The following TTC9 variants were observed in gnomAD, a reference collection of about 807,000 sequenced individuals.
TTC9 encodes the protein tetratricopeptide repeat protein 9A.
TTC9 carries 13 observed loss-of-function variants against 22.9 expected under a neutral mutation model. That is an observed-to-expected ratio of 0.57 (90% CI 0.37 to 0.90). The LOEUF (loss-of-function observed/expected upper bound fraction) is 0.90, where lower values mean the gene tolerates loss of function less well. Among genes scored for constraint, TTC9 ranks in the 40% least tolerant of loss-of-function variants. The pLI is 0.01. For missense variants in TTC9, 280 were observed against 291.8 expected (o/e 0.96, Z 0.29); for synonymous variants, 148 against 133.2 (o/e 1.11, Z -0.77).
intron 1 of TTC9, among the ~76,000 whole-genome samples, chr14:70,655,935 ACT>A (rs1162558404): frequency 6.6e-6 from 1 of 150,768 alleles, no homozygotes; most frequent in Non-Finnish European, 1.5e-5. Context: ...TGCTGCTTGG[ACT>A]CTTTCTCCCC....
In TTC9 at chr14:70,642,004, C is replaced by T; in HGVS notation, c.-126C>T. The stretch of plus-strand genomic sequence containing the variant: ...GGGGCGCCAGACCGCCGCGGGGTGT[C>T]ACGGCCGCCACGAAGCCTGCGAGGC... On this transcript the variant is annotated 5_prime_UTR_variant, in exon 1 of 3. Transcript: ENST00000256367. The T allele has an allele frequency of 1.7e-6, 1 of 595,394 alleles. No individual in the cohort carries two copies. Among genetic ancestry groups the T allele is most frequent in the Non-Finnish European group, 2.1e-6 (1 of 470,330 alleles). The allele number at this position is 595,394 out of a possible 1,614,324, so 36.9% of individuals were successfully genotyped here. A position where few individuals can be genotyped will look rare whatever the true frequency, so the allele number is the denominator to read the frequency against.
intron 1 of TTC9, among the ~76,000 whole-genome samples, chr14:70,664,823 G>T (rs1886191906): frequency 6.6e-6 from 1 of 151,154 alleles, no homozygotes; most frequent in Non-Finnish European, 1.5e-5. Flanking sequence ...TCTGGGCCCT[G>T]TCTGTGGTGT....
chr14:70,651,725 G>T (rs1236932395), intron 1 of TTC9, among the ~76,000 whole-genome samples: 2 of 152,172 alleles, frequency 1.3e-5, no homozygotes, highest in Non-Finnish European at 2.9e-5. Context: ...CAGCACTTGT[G>T]ATGTAAACTG....
chr14:70,648,904 T>G (rs1361306899), intron 1 of TTC9, among the ~76,000 whole-genome samples: 1 of 152,248 alleles, frequency 6.6e-6, no homozygotes, highest in African/African-American at 2.4e-5. Flanking sequence ...GGTATTTATA[T>G]GGCCTTGGAA....
chr14:70,656,677 T>G (rs1468453142), intron 1 of TTC9, among the ~76,000 whole-genome samples: 1 of 152,202 alleles, frequency 6.6e-6, no homozygotes, highest in Non-Finnish European at 1.5e-5. Flanking sequence ...CCATTCTGGC[T>G]TAGAGTTTCT....
intron 1 of TTC9, among the ~76,000 whole-genome samples, chr14:70,656,995 A>G (rs1886076213): frequency 1.3e-5 from 2 of 152,184 alleles, no homozygotes; most frequent in South Asian, 4.1e-4. Flanking sequence ...TAGCACCCAG[A>G]TTGGTGCCAA....
At chr14:70,662,665 G>A (rs1886160972) in intron 1 of TTC9, among the ~76,000 whole-genome samples, 1 of 152,214 alleles carries the variant, frequency 6.6e-6, no homozygotes, top group Non-Finnish European at 1.5e-5. Context: ...GTGAAATTTA[G>A]ATCTCTCATT....
chr14:70,671,194 G>A lies in TTC9; in HGVS notation c.*39G>A, dbSNP rs1309358358. On this transcript the variant is annotated 3_prime_UTR_variant, in exon 3 of 3. Transcript: ENST00000256367. ...CCAGAGCTGCGCCCACGCCTGACCG[G>A]GGACTTCCAGGCATCCCCTGGCAGA... 1 of 1,561,778 alleles carries A rather than the reference G, an allele frequency of 6.4e-7. No individual in the cohort carries two copies. The highest frequency in any genetic ancestry group is 1.7e-5 in the Admixed American group (1 of 59,348).
At chr14:70,668,984 G>A (rs983152280) in intron 2 of TTC9, among the ~76,000 whole-genome samples, 18 of 151,506 alleles carry the variant, frequency 1.2e-4, no homozygotes, top group Non-Finnish European at 2.4e-4. Flanking sequence ...GTGAAACCCC[G>A]TCTCTACTAA....
Position 70,642,285 on chromosome 14 carries a change from G to C in TTC9, c.156G>C (p.Glu52Asp), listed in dbSNP as rs543277406. Residue 52 changes from glutamate to aspartate, a missense_variant, in exon 1 of 3, where the codon GAG becomes GAC. Glu to Asp is a conservative substitution (Grantham distance 45, BLOSUM62 2). Around this residue, in one of 5 missense-constraint regions of TTC9, gnomAD observed 165 missense variants for 145.4 expected, o/e 1.14. Coordinates refer to ENST00000256367, the MANE Select transcript of TTC9 (RefSeq NM_015351.2). ...GQVGAAAEPA[E>D]LIRRAHEFKS... Reference sequence around the variant, plus strand: ...TCGGGGCGGCGGCCGAGCCGGCCGAGCTCATCCGACGAGCGCACGAGTTCA... The same window carrying C: ...TCGGGGCGGCGGCCGAGCCGGCCGACCTCATCCGACGAGCGCACGAGTTCA... 1.5e-4 allele frequency: 232 copies of C among 1,525,448 alleles called. 3 individuals are homozygous for C. The South Asian group carries it at 2.7e-3, about 18-fold the overall frequency. 94.5% of individuals were successfully genotyped at this position (1,525,448 alleles called of 1,614,324 possible). A position where few individuals can be genotyped will look rare whatever the true frequency, so the allele number is the denominator to read the frequency against.
At chr14:70,655,381 C>T (rs1285412671) in intron 1 of TTC9, among the ~76,000 whole-genome samples, 1 of 147,656 alleles carries the variant, frequency 6.8e-6, no homozygotes, top group African/African-American at 2.5e-5. Context: ...GCTTGGGCGA[C>T]AGAGCGAGAC....
At chr14:70,643,666 A>G (rs996498162) in intron 1 of TTC9, among the ~76,000 whole-genome samples, 5 of 152,114 alleles carry the variant, frequency 3.3e-5, no homozygotes, top group African/African-American at 1.2e-4. Flanking sequence ...AAGCCGAGGC[A>G]GTGGTGGGGG....
At chr14:70,667,967 A>C (rs1369008733) in intron 2 of TTC9, among the ~76,000 whole-genome samples, 1 of 152,272 alleles carries the variant, frequency 6.6e-6, no homozygotes, top group East Asian at 1.9e-4. Flanking sequence ...CTTCAAATAG[A>C]GTATAGAATT....
intron 1 of TTC9, 123 bp from the exon 2 acceptor site, chr14:70,667,441 C>T (rs937649271): frequency 1.0e-6 from 1 of 988,364 alleles, no homozygotes; most frequent in African/African-American, 1.6e-5. Flanking sequence ...AGACAAATCC[C>T]AAGATGTAAA....
rs537602836 is a variant in TTC9, at chr14:70,657,752, G to T, written c.407-9812G>T. Among the ~76,000 whole-genome samples the T allele has an allele frequency of 8.5e-5, 13 of 152,242 alleles. No individual in the cohort carries two copies. In the South Asian group the frequency reaches 2.7e-3, roughly 32 times the overall value. On this transcript the variant is annotated intron_variant, in intron 1 of 2. Transcript: ENST00000256367. The stretch of plus-strand genomic sequence containing the variant: ...AGGCCGAGGCGGGCAGATCACCTGA[G>T]GTCAGGAGTTCAAGACCAGCCTGGG...
At chr14:70,650,138 A>AT (rs1206423358) in intron 1 of TTC9, among the ~76,000 whole-genome samples, 1 of 152,218 alleles carries the variant, frequency 6.6e-6, no homozygotes, top group Non-Finnish European at 1.5e-5. Flanking sequence ...ATTAAAGAAT[A>AT]TACTTGGCTG....
At chr14:70,644,298 C>A (rs1885872251) in intron 1 of TTC9, among the ~76,000 whole-genome samples, 1 of 152,214 alleles carries the variant, frequency 6.6e-6, no homozygotes, top group Non-Finnish European at 1.5e-5. Flanking sequence ...CCACCACTCC[C>A]ATCCTCACCT....
intron 1 of TTC9, among the ~76,000 whole-genome samples, chr14:70,663,729 T>C (rs563517133): frequency 6.6e-6 from 1 of 152,318 alleles, no homozygotes; most frequent in East Asian, 1.9e-4. Context: ...GGGTGTCAGC[T>C]CATCAGCTGA....
At chr14:70,656,805 A>G (rs12895136) in intron 1 of TTC9, among the ~76,000 whole-genome samples, 20,127 of 152,232 alleles carry the variant, frequency 0.13, 1,553 homozygotes, top group Non-Finnish European at 0.18. Flanking sequence ...CAAATGGCCA[A>G]TCTGGCCACT....
Sources: allele counts gnomAD v4.1 joint callset (sites outside exome capture counted in the v4.1 genomes callset), GRCh38; gene constraint gnomAD v4.1.1; regional missense constraint gnomAD v4.1.1; transcripts MANE v1.5; gene names NCBI Gene and HGNC (gene_info 2026-07-23, HGNC 2026-07-21).